BMPR1B: variants seen among roughly 807,000 people sequenced by gnomAD.
BMPR1B encodes the protein bone morphogenetic protein receptor type-1B.
In BMPR1B, 12 loss-of-function variants were observed where a neutral mutation model predicts 59.1. The observed-to-expected ratio is 0.20, with a 90% CI of 0.13 to 0.33. The LOEUF (loss-of-function observed/expected upper bound fraction) is 0.33. BMPR1B is among the 10% of genes least tolerant of loss of function. The pLI is 1.00. For synonymous variants in BMPR1B, 237 were observed against 207.3 expected (o/e 1.14, Z -1.23); for missense variants, 550 against 610.9 (o/e 0.90, Z 1.05).
At chr4:94,804,215 A>G (rs993034398) in intron 1 of BMPR1B, among the ~76,000 whole-genome samples, 2 of 152,214 alleles carry the variant, frequency 1.3e-5, no homozygotes, top group Non-Finnish European at 1.5e-5. Context: ...CAAGTAATAA[A>G]GAAGTGACAG....
chr4:94,814,260 A>G lies in BMPR1B; in HGVS notation c.-183+56192A>G, dbSNP rs374162369. Among the ~76,000 whole-genome samples, 25 of 152,292 alleles carry G rather than the reference A, an allele frequency of 1.6e-4. No homozygotes were observed. The South Asian group carries it at 3.5e-3, about 21-fold the overall frequency. On this transcript the variant is annotated intron_variant, in intron 1 of 12. Transcript: ENST00000515059. ...CAAAATTATTTTTTAACAGGTTCTCATTTTTATAAATTCATAACTTGGAAA... is the reference window on the plus strand; with the variant it reads ...CAAAATTATTTTTTAACAGGTTCTCGTTTTTATAAATTCATAACTTGGAAA...
chr4:94,947,004 A>G (rs938851527), intron 2 of BMPR1B, among the ~76,000 whole-genome samples: 1 of 152,164 alleles, frequency 6.6e-6, no homozygotes, highest in African/African-American at 2.4e-5. Flanking sequence ...GCGAGCCGAG[A>G]TCACTCTGCT....
intron 3 of BMPR1B, among the ~76,000 whole-genome samples, chr4:95,034,526 A>T (rs1252588708): frequency 6.6e-6 from 1 of 151,954 alleles, no homozygotes; most frequent in Non-Finnish European, 1.5e-5. Flanking sequence ...TGGGAAATAC[A>T]ATGTTTGGTT....
intron 1 of BMPR1B, among the ~76,000 whole-genome samples, chr4:94,795,292 C>A (rs1465718776): frequency 1.4e-5 from 2 of 147,572 alleles, no homozygotes; most frequent in African/African-American, 5.0e-5. Context: ...TGGTTTTTGT[C>A]TTTGGCTCTG....
chr4:94,822,636 G>A (rs1724248568), intron 1 of BMPR1B, among the ~76,000 whole-genome samples: 3 of 152,110 alleles, frequency 2.0e-5, no homozygotes, highest in Non-Finnish European at 4.4e-5. Flanking sequence ...CTCCCTATCA[G>A]TGATACTAGG....
At chr4:94,882,965 T>C (rs1048949466) in intron 2 of BMPR1B, among the ~76,000 whole-genome samples, 13 of 141,754 alleles carry the variant, frequency 9.2e-5, no homozygotes, top group African/African-American at 1.4e-4. Context: ...TGTGTGTGTG[T>C]GCGTGTGTGT....
chr4:94,943,139 C>T (rs1729581408), intron 2 of BMPR1B, among the ~76,000 whole-genome samples: 1 of 151,612 alleles, frequency 6.6e-6, no homozygotes, highest in Admixed American at 6.6e-5. Context: ...TACATCCACT[C>T]ACTATTTTTT....
chr4:95,131,337 A>T lies in BMPR1B; in HGVS notation c.901A>T (p.Met301Leu). Reference sequence around the variant, plus strand: ...GTCCACCACCCTAGACGCTAAATCAATGCTGAAGTTAGCCTACTCTTCTGT... The same window carrying T: ...GTCCACCACCCTAGACGCTAAATCATTGCTGAAGTTAGCCTACTCTTCTGT... ...LKSTTLDAKS[M>L]LKLAYSSVSG... Residue 301 changes from methionine (M) to leucine (L), a missense_variant, in exon 10 of 13, where the codon ATG becomes TTG. Physicochemically the swap from Met to Leu is conservative, Grantham distance 15. Around this residue, in one of 6 missense-constraint regions of BMPR1B, gnomAD observed 318 missense variants for 284.6 expected, o/e 1.12. Coordinates refer to ENST00000515059, the MANE Select transcript of BMPR1B (RefSeq NM_001203.3). 6.2e-7 allele frequency: 1 copy of T among 1,614,066 alleles called. No individual in the cohort carries two copies. Among genetic ancestry groups the T allele is most frequent in the South Asian group, 1.1e-5 (1 of 91,076 alleles).
At chr4:95,026,729 C>A (rs1724445061) in intron 3 of BMPR1B, among the ~76,000 whole-genome samples, 1 of 137,994 alleles carries the variant, frequency 7.2e-6, no homozygotes, top group Non-Finnish European at 1.6e-5. Flanking sequence ...GCCCTACCCT[C>A]CCCTCCCTTC....
chr4:94,964,297 GTA>G (rs1173830228), intron 2 of BMPR1B, among the ~76,000 whole-genome samples: 1 of 152,064 alleles, frequency 6.6e-6, no homozygotes, highest in African/African-American at 2.4e-5. Context: ...TTCACAATTT[GTA>G]TGTCCTTTCT....
chr4:95,023,620 C>G (rs555515058), intron 3 of BMPR1B, among the ~76,000 whole-genome samples: 2 of 152,104 alleles, frequency 1.3e-5, no homozygotes, highest in South Asian at 4.2e-4. Flanking sequence ...CTCCTGGGCT[C>G]AAGCAATCCT....
At chr4:94,789,813 A>C (rs1175354942) in intron 1 of BMPR1B, among the ~76,000 whole-genome samples, 1 of 152,022 alleles carries the variant, frequency 6.6e-6, no homozygotes, top group Non-Finnish European at 1.5e-5. Flanking sequence ...TAAAAAATAT[A>C]CATTTGACCC....
chr4:94,855,176 A>G (rs1443080404), intron 1 of BMPR1B, among the ~76,000 whole-genome samples: 1 of 152,132 alleles, frequency 6.6e-6, no homozygotes, highest in Non-Finnish European at 1.5e-5. Flanking sequence ...TTATTTTATA[A>G]TATGTGGGGG....
At chr4:94,832,329 C>A (rs13139046) in intron 1 of BMPR1B, among the ~76,000 whole-genome samples, 93,120 of 152,054 alleles carry the variant, frequency 0.61, 29,531 homozygotes, top group African/African-American at 0.78. Flanking sequence ...TTCTCAGAAC[C>A]TATTTCTGCC....
At chr4:95,148,353 A>G (rs1734792456) in intron 10 of BMPR1B, among the ~76,000 whole-genome samples, 1 of 151,976 alleles carries the variant, frequency 6.6e-6, no homozygotes, top group Non-Finnish European at 1.5e-5. Context: ...AATTTGATCT[A>G]TTGGTAATGC....
Position 94,778,215 on chromosome 4 carries a change from C to T in BMPR1B, c.-183+20147C>T, listed in dbSNP as rs1187880353. The stretch of plus-strand genomic sequence containing the variant: ...AGTTGCATTTGGCATCTTTCCTTCC[C>T]ATCTGAGTAAACACTAACCTGAGTT... On this transcript the variant is annotated intron_variant, in intron 1 of 12. Transcript: ENST00000515059. 4.6e-5 allele frequency among the ~76,000 whole-genome samples: 7 copies of T among 152,180 alleles called. No homozygotes were observed. The South Asian group carries it at 6.2e-4, about 14-fold the overall frequency.
At chr4:95,085,914 CA>C in intron 3 of BMPR1B, among the ~76,000 whole-genome samples, 1 of 152,012 alleles carries the variant, frequency 6.6e-6, no homozygotes, top group Non-Finnish European at 1.5e-5. Context: ...GAACATTTGG[CA>C]AGAAGAGACA....
At chr4:94,968,354 G>T (rs958139161) in intron 2 of BMPR1B, among the ~76,000 whole-genome samples, 29 of 151,270 alleles carry the variant, frequency 1.9e-4, no homozygotes, top group African/African-American at 4.6e-4. Context: ...TTTTTTTGTT[G>T]TTGTTGTTTT....
chr4:95,078,213 A>G (rs1011914548), intron 3 of BMPR1B, among the ~76,000 whole-genome samples: 2 of 152,216 alleles, frequency 1.3e-5, no homozygotes, highest in African/African-American at 2.4e-5. Flanking sequence ...ACCAGTAGGT[A>G]TTACCAGTGA....
Sources: gnomAD v4.1 joint callset for allele counts (sites outside exome capture counted in the v4.1 genomes callset) on GRCh38, gnomAD v4.1.1 for gene constraint, gnomAD v4.1.1 regional missense constraint, MANE v1.5 for transcripts, NCBI Gene and HGNC (gene_info 2026-07-23, HGNC 2026-07-21) for gene names.